The following TMCO6 variants were observed in gnomAD, a reference collection of about 807,000 sequenced individuals.
TMCO6 encodes transmembrane and coiled-coil domain-containing protein 6.
In TMCO6, 47 loss-of-function variants were observed where a neutral mutation model predicts 61.8. The observed-to-expected ratio is 0.76, with a 90% CI of 0.60 to 0.97. The LOEUF is 0.97. Ranked by LOEUF, TMCO6 falls within the 50% of genes least tolerant of loss-of-function variation. The pLI is 0.00. For missense variants in TMCO6, 557 were observed against 601.6 expected, an observed-to-expected ratio of 0.93 and a Z score of 0.78; for synonymous variants, 261 against 254.2, an observed-to-expected ratio of 1.03 and a Z score of -0.25.
chr5:140,638,472 G>C (rs191453930), upstream of TMCO6, among the ~76,000 whole-genome samples: 204 of 151,996 alleles, frequency 1.3e-3, 1 homozygote, highest in Middle Eastern at 0.01. Flanking sequence ...AAGTGTGTGT[G>C]GGGGGGAGTA....
chr5:140,603,268 G>C, the TMCO6 span, among the ~76,000 whole-genome samples: 1 of 151,906 alleles, frequency 6.6e-6, no homozygotes, highest in Admixed American at 6.6e-5. Flanking sequence ...AACAACATGT[G>C]ACTTTCAGTG....
chr5:140,599,343 C>T, the TMCO6 span, among the ~76,000 whole-genome samples: 1 of 152,102 alleles, frequency 6.6e-6, no homozygotes, highest in Non-Finnish European at 1.5e-5. Flanking sequence ...CTCAAATTTC[C>T]ATAGTGATTT....
In TMCO6 at chr5:140,644,630, T is replaced by C; in HGVS notation, c.1258T>C (p.Trp420Arg). ...GGGTCCTGCTTACTGCCAGCGGCTG[T>C]GGCCAGGGCCCCTGCTTCCCGCCTT... ...EKGPAYCQRLWPGPLLPALLH... is the reference protein window; with the variant it reads ...EKGPAYCQRLRPGPLLPALLH... The change falls in exon 11 of 12, where the codon TGG becomes CGG. Residue 420 changes from tryptophan to arginine, a missense_variant. Coordinates refer to ENST00000394671, the MANE Select transcript of TMCO6 (RefSeq NM_018502.5). 6.2e-7 allele frequency: 1 copy of C among 1,614,270 alleles called. No homozygotes were observed. The highest frequency in any genetic ancestry group is 8.5e-7 in the Non-Finnish European group (1 of 1,180,050).
At chr5:140,646,873 AAGCACTC>A (rs1757432405), downstream of TMCO6, among the ~76,000 whole-genome samples, 2 of 152,176 alleles carry the variant, frequency 1.3e-5, no homozygotes, top group Admixed American at 1.3e-4. Context: ...TTAGGCAGGG[AAGCACTC>A]AGCACAGGGC....
At chr5:140,646,355 C>G (rs1757399556), downstream of TMCO6, among the ~76,000 whole-genome samples, 1 of 152,096 alleles carries the variant, frequency 6.6e-6, no homozygotes, top group Non-Finnish European at 1.5e-5. Context: ...AACATAATAC[C>G]CAGCACAATA....
intron 2 of TMCO6, 30 bp from the exon 3 acceptor site, chr5:140,641,635 G>A: frequency 1.9e-6 from 3 of 1,599,940 alleles, no homozygotes; most frequent in Non-Finnish European, 2.6e-6. Flanking sequence ...TGTGAACCGT[G>A]TGTTCTCCTT....
At chr5:140,617,393 C>T in the TMCO6 span, among the ~76,000 whole-genome samples, 39 of 152,142 alleles carry the variant, frequency 2.6e-4, no homozygotes, top group Non-Finnish European at 5.0e-4. Flanking sequence ...AGAACCCCGT[C>T]TGTACTAAAA....
At chr5:140,642,861 A>G (rs980835971) in intron 6 of TMCO6, 64 bp from the exon 7 acceptor site, 1 of 1,612,354 alleles carries the variant, frequency 6.2e-7, no homozygotes, top group African/African-American at 1.3e-5. Flanking sequence ...ACCTGCTATC[A>G]GGGTTTGGTA....
rs757110334 is a variant in TMCO6 at position 140,645,001 on chromosome 5, T to A, written c.1385T>A (p.Leu462Gln). ...LYQPEAVQVF[L>Q]QQSGLQALER... Reference sequence around the variant, plus strand: ...TGCCCCTAGGCTGTTCAGGTCTTCCTGCAGCAGTCAGGGCTGCAAGCCCTG... The same window carrying A: ...TGCCCCTAGGCTGTTCAGGTCTTCCAGCAGCAGTCAGGGCTGCAAGCCCTG... Residue 462 changes from leucine to glutamine, a missense_variant, in exon 12 of 12, where the codon CTG (leucine) becomes CAG (glutamine). Leu to Gln is a moderately radical substitution (Grantham distance 113, BLOSUM62 -2). Coordinates refer to ENST00000394671, the MANE Select transcript of TMCO6 (RefSeq NM_018502.5). 1 of 1,614,204 alleles carries A rather than the reference T, an allele frequency of 6.2e-7. No homozygotes were observed. Among genetic ancestry groups the A allele is most frequent in the South Asian group, 1.1e-5 (1 of 91,088 alleles).
the TMCO6 span, among the ~76,000 whole-genome samples, chr5:140,602,433 T>C: frequency 1.3e-5 from 2 of 152,322 alleles, no homozygotes; most frequent in South Asian, 4.1e-4. Context: ...TTGAATTTCT[T>C]AATTGAGGTG....
chr5:140,624,526 C>T, the TMCO6 span, among the ~76,000 whole-genome samples: 1 of 152,072 alleles, frequency 6.6e-6, no homozygotes, highest in Non-Finnish European at 1.5e-5. Flanking sequence ...CTTGACCACC[C>T]CACTTCTAAG....
the TMCO6 span, among the ~76,000 whole-genome samples, chr5:140,634,031 A>G: frequency 6.6e-6 from 1 of 151,690 alleles, no homozygotes; most frequent in African/African-American, 2.4e-5. Context: ...CTTGTGATCC[A>G]CCCGCCTCGG....
upstream of TMCO6, among the ~76,000 whole-genome samples, chr5:140,636,320 C>T (rs1756769259): frequency 6.6e-6 from 1 of 151,838 alleles, no homozygotes; most frequent in Non-Finnish European, 1.5e-5. Flanking sequence ...TAGAAGCTAG[C>T]CTGGGTTAGG....
downstream of TMCO6, chr5:140,647,493 G>A (rs1554104038): frequency 6.2e-7 from 1 of 1,612,424 alleles, no homozygotes; most frequent in South Asian, 1.1e-5. Flanking sequence ...CTGACGCCCT[G>A]GCTGCCGGGC....
upstream of TMCO6, among the ~76,000 whole-genome samples, chr5:140,635,613 A>G (rs762866591): frequency 9.2e-5 from 14 of 152,196 alleles, no homozygotes; most frequent in Non-Finnish European, 1.5e-4. Context: ...TCTACCGAGT[A>G]CTAGGGTTGG....
chr5:140,606,294 G>A, the TMCO6 span, among the ~76,000 whole-genome samples: 1 of 151,586 alleles, frequency 6.6e-6, no homozygotes, highest in African/African-American at 2.4e-5. Flanking sequence ...GACCACAGAT[G>A]TGTGCCACCA....
At position 140,641,771 on chromosome 5, in the gene TMCO6, C is replaced by A. The variant is rs199525367; in HGVS notation, c.305C>A (p.Thr102Asn). Residue 102 changes from threonine (T) to asparagine (N), a missense_variant, in exon 3 of 12, where the codon ACC (threonine) becomes AAC (asparagine). Coordinates refer to ENST00000394671, the MANE Select transcript of TMCO6 (RefSeq NM_018502.5). The stretch of plus-strand genomic sequence containing the variant: ...TTGCAGCACCCTGAAACACAGCAAA[C>A]CTTCATCCGGTCAGTGTGGATGGTG... ...RGLQHPETQQ[T>N]FIRLEGSMRT... is the part of the protein sequence containing the mutation. 8.7e-6 allele frequency: 14 copies of A among 1,614,092 alleles called. No individual in the cohort carries two copies. The Admixed American group carries it at 2.2e-4, about 25-fold the overall frequency.
the TMCO6 span, among the ~76,000 whole-genome samples, chr5:140,615,929 G>A: frequency 6.6e-6 from 1 of 152,076 alleles, no homozygotes; most frequent in Non-Finnish European, 1.5e-5. Context: ...TCAGGATTTC[G>A]AGACCAGCCT....
the TMCO6 span, among the ~76,000 whole-genome samples, chr5:140,620,806 T>A: frequency 6.6e-6 from 1 of 151,836 alleles, no homozygotes; most frequent in South Asian, 2.1e-4. Flanking sequence ...AGCCCAGGAG[T>A]TCGAGCCCAG....
Sources: gnomAD v4.1 joint callset for allele counts (sites outside exome capture counted in the v4.1 genomes callset) on GRCh38, gnomAD v4.1.1 for gene constraint, MANE v1.5 for transcripts, NCBI Gene and HGNC (gene_info 2026-07-23, HGNC 2026-07-21) for gene names.